The following SEMA3E variants were observed in gnomAD, a reference collection of about 807,000 sequenced individuals.
The protein encoded by SEMA3E is semaphorin-3E.
In SEMA3E, 49 loss-of-function variants were observed where a neutral mutation model predicts 93.6. That is an observed-to-expected ratio of 0.52 (90% CI 0.42 to 0.66). The LOEUF is 0.66. Ranked by LOEUF, SEMA3E falls within the 30% of genes least tolerant of loss-of-function variation. SEMA3E has a pLI of 0.00. For missense variants in SEMA3E, 906 were observed against 964.8 expected, an observed-to-expected ratio of 0.94 and a Z score of 0.81; for synonymous variants, 363 against 330.7, an observed-to-expected ratio of 1.10 and a Z score of -1.06.
At chr7:83,369,115 C>A (rs190479360) in intron 16 of SEMA3E, among the ~76,000 whole-genome samples, 305 of 152,208 alleles carry the variant, frequency 2.0e-3, no homozygotes, top group African/African-American at 6.7e-3. Flanking sequence ...CAGGATCTTA[C>A]GATAATGGTA....
rs748602217 is a variant in SEMA3E at position 83,561,986 on chromosome 7, G to A, written c.116-71712C>T. On this transcript the variant is annotated intron_variant, in intron 1 of 16. Coordinates refer to ENST00000643230, the MANE Select transcript of SEMA3E (RefSeq NM_012431.3). Reference sequence around the variant, plus strand: ...TAAATTCACTATTGATTTGGAGGGCGCATGTATTCAATGGCTTATATCAGA... The same window carrying A: ...TAAATTCACTATTGATTTGGAGGGCACATGTATTCAATGGCTTATATCAGA... Among the ~76,000 whole-genome samples the A allele has an allele frequency of 3.9e-5, 6 of 152,182 alleles. No homozygotes were observed. The East Asian group carries it at 5.8e-4, about 15-fold the overall frequency.
intron 4 of SEMA3E, among the ~76,000 whole-genome samples, chr7:83,427,478 T>C (rs546605194): frequency 6.6e-6 from 1 of 152,280 alleles, no homozygotes; most frequent in Non-Finnish European, 1.5e-5. Context: ...ATGTGGAAAT[T>C]TTTTAAAGCA....
intron 12 of SEMA3E, 29 bp downstream of exon 12, chr7:83,396,609 A>C (rs113808556): frequency 2.1e-5 from 29 of 1,371,816 alleles, no homozygotes; most frequent in Middle Eastern, 3.6e-4. Context: ...TAATGCATAA[A>C]TTTGGTCTGT....
chr7:83,514,994 A>T (rs982813991), intron 1 of SEMA3E, among the ~76,000 whole-genome samples: 1 of 152,202 alleles, frequency 6.6e-6, no homozygotes, highest in African/African-American at 2.4e-5. Flanking sequence ...TTTTTTCCAC[A>T]TACTATTTTC....
intron 13 of SEMA3E, 86 bp downstream of exon 13, chr7:83,394,211 T>C (rs1278053056): frequency 1.5e-6 from 2 of 1,362,066 alleles, no homozygotes; most frequent in Non-Finnish European, 2.1e-6. Context: ...TTTAAGCACA[T>C]GTACTAATGT....
chr7:83,553,265 A>T (rs191874600), intron 1 of SEMA3E, among the ~76,000 whole-genome samples: 102 of 152,218 alleles, frequency 6.7e-4, no homozygotes, highest in Admixed American at 3.7e-3. Context: ...CCAATACTGC[A>T]TAGTCTCTTT....
In SEMA3E at chr7:83,365,425, T is replaced by C. The variant is rs2116888519; in HGVS notation, c.*2161A>G. ...TTATCAATTTTCTTTCAAATTAGCA[T>C]TGAATAAACTTTCTTTGGGTTTGAT... On this transcript the variant is annotated 3_prime_UTR_variant, in exon 17 of 17. Coordinates refer to ENST00000643230, the MANE Select transcript of SEMA3E (RefSeq NM_012431.3). 6.6e-6 allele frequency: 1 copy of C among 152,336 alleles called. No individual in the cohort carries two copies. The highest frequency in any genetic ancestry group is 1.9e-4 in the East Asian group (1 of 5,184). 9.4% of individuals were successfully genotyped at this position (152,336 alleles called of 1,614,324 possible). A position where few individuals can be genotyped will look rare whatever the true frequency, so the allele number is the denominator to read the frequency against.
chr7:83,555,018 CTT>C (rs1791858367), intron 1 of SEMA3E, among the ~76,000 whole-genome samples: 1 of 134,296 alleles, frequency 7.4e-6, no homozygotes, highest in Non-Finnish European at 1.7e-5. Flanking sequence ...AAAAAAAAGA[CTT>C]GTGCTTTTCA....
Position 83,598,726 on chromosome 7 carries a change from C to T in SEMA3E, c.115+49702G>A, listed in dbSNP as rs138408788. Among the ~76,000 whole-genome samples the T allele has an allele frequency of 7.6e-4, 115 of 152,276 alleles. 1 individual carries two copies. In the Middle Eastern group the frequency reaches 0.01, roughly 14 times the overall value. On this transcript the variant is annotated intron_variant, in intron 1 of 16. Coordinates refer to ENST00000643230, the MANE Select transcript of SEMA3E (RefSeq NM_012431.3). ...GTTCATAGTCAATTAAGCTTCTCCCCACTAAGATATTTACCACAAGAAAAT... is the reference window on the plus strand; with the variant it reads ...GTTCATAGTCAATTAAGCTTCTCCCTACTAAGATATTTACCACAAGAAAAT...
chr7:83,502,186 C>A (rs1790609359), intron 1 of SEMA3E, among the ~76,000 whole-genome samples: 1 of 152,186 alleles, frequency 6.6e-6, no homozygotes, highest in Admixed American at 6.5e-5. Context: ...TCCTCTACCA[C>A]CTCTCATCTG....
chr7:83,427,123 A>G (rs1788787738), intron 4 of SEMA3E, among the ~76,000 whole-genome samples: 1 of 152,162 alleles, frequency 6.6e-6, no homozygotes, highest in Non-Finnish European at 1.5e-5. Flanking sequence ...AAGATGCAAC[A>G]AGGAGGTACA....
At chr7:83,429,904 A>G (rs1190077121) in intron 4 of SEMA3E, among the ~76,000 whole-genome samples, 1 of 152,212 alleles carries the variant, frequency 6.6e-6, no homozygotes, top group Non-Finnish European at 1.5e-5. Flanking sequence ...TGGAAAAAAA[A>G]AATGACTTCA....
At chr7:83,593,444 A>G (rs1167419578) in intron 1 of SEMA3E, among the ~76,000 whole-genome samples, 1 of 151,920 alleles carries the variant, frequency 6.6e-6, no homozygotes, top group Non-Finnish European at 1.5e-5. Context: ...ATACAATATT[A>G]ACAAAAAATA....
At chr7:83,599,302 A>C (rs147194996) in intron 1 of SEMA3E, among the ~76,000 whole-genome samples, 396 of 152,304 alleles carry the variant, frequency 2.6e-3, no homozygotes, top group Non-Finnish European at 4.2e-3. Flanking sequence ...CTATGGAATT[A>C]CTTTCTTTTC....
At position 83,400,264 on chromosome 7, in the gene SEMA3E, GGATCA is replaced by G. The variant is rs755190119; in HGVS notation, c.1144-19_1144-15del. 1.1e-5 allele frequency: 17 copies of G among 1,610,000 alleles called. No homozygotes were observed. The South Asian group carries it at 1.8e-4, about 17-fold the overall frequency. ...TTTGCTGGCACACTGAAAAACAAGT[GGATCA>G]GATAATTCTTTTTGCTTTACACCCA... On this transcript the variant is annotated splice_polypyrimidine_tract_variant and intron_variant, in intron 10 of 16. Transcript: ENST00000643230.
chr7:83,445,722 TTAAAATAAATAAA>T, intron 4 of SEMA3E, among the ~76,000 whole-genome samples: 1 of 151,504 alleles, frequency 6.6e-6, no homozygotes, highest in Admixed American at 6.6e-5. Context: ...TCATCTCAAA[TTAAAATAAATAAA>T]TAAATAAAAA....
At chr7:83,635,788 A>T (rs1165272744) in intron 1 of SEMA3E, among the ~76,000 whole-genome samples, 1 of 151,724 alleles carries the variant, frequency 6.6e-6, no homozygotes, top group East Asian at 1.9e-4. Flanking sequence ...TTTCCTTCTC[A>T]CTATGTTACT....
chr7:83,413,131 T>A (rs369364360), intron 5 of SEMA3E, among the ~76,000 whole-genome samples: 2 of 151,620 alleles, frequency 1.3e-5, no homozygotes, highest in Admixed American at 1.4e-4. Context: ...AACTCCTTTT[T>A]TTTACAATGT....
At chr7:83,553,167 C>T (rs766190514) in intron 1 of SEMA3E, among the ~76,000 whole-genome samples, 1 of 152,180 alleles carries the variant, frequency 6.6e-6, no homozygotes, top group Non-Finnish European at 1.5e-5. Context: ...AAATTCCTCT[C>T]TTTATACTGT....
Sources: gnomAD v4.1 joint callset for allele counts (sites outside exome capture counted in the v4.1 genomes callset) on GRCh38, gnomAD v4.1.1 for gene constraint, MANE v1.5 for transcripts, NCBI Gene and HGNC (gene_info 2026-07-23, HGNC 2026-07-21) for gene names.